The following PDE10A variants were observed in gnomAD, a reference collection of about 807,000 sequenced individuals.
PDE10A encodes phosphodiesterase 10A.
PDE10A carries 39 observed loss-of-function variants against 97.7 expected under a neutral mutation model. The ratio of observed to expected loss-of-function variants is 0.40; its 90% CI spans 0.31 to 0.52. The LOEUF (loss-of-function observed/expected upper bound fraction) is 0.52. PDE10A is among the 20% of genes least tolerant of loss of function. The probability of loss-of-function intolerance (pLI) is 0.56; values close to 1 mark genes in which losing one functional copy is unlikely to be tolerated. For missense variants in PDE10A, 731 were observed against 1,047.8 expected (o/e 0.70, Z 4.17); for synonymous variants, 371 against 376.8 (o/e 0.98, Z 0.18).
intron 1 of PDE10A, among the ~76,000 whole-genome samples, chr6:165,833,836 G>A (rs1292763230): frequency 2.0e-5 from 3 of 152,340 alleles, no homozygotes; most frequent in African/African-American, 7.2e-5. Context: ...GATGAAGGTG[G>A]TCCCAAAGCA....
intron 1 of PDE10A, among the ~76,000 whole-genome samples, chr6:165,843,956 T>G (rs1780332582): frequency 6.6e-6 from 1 of 152,168 alleles, no homozygotes; most frequent in Non-Finnish European, 1.5e-5. Context: ...GAGGCAGCTC[T>G]GACCCCACCT....
rs193170979 is a variant in PDE10A at position 165,596,842 on chromosome 6, C to T, written c.866-53274G>A. Among the ~76,000 whole-genome samples, 40 of 152,242 alleles carry T rather than the reference C, an allele frequency of 2.6e-4. 1 individual carries two copies. Among genetic ancestry groups the T allele is most frequent in the African/African-American group, 7.7e-4 (32 of 41,542 alleles). ...TGGGGTCCTGAATATCCTAGGAGAACGTTGCTCTCCTCCTCTACTGACATG... is the reference window on the plus strand; with the variant it reads ...TGGGGTCCTGAATATCCTAGGAGAATGTTGCTCTCCTCCTCTACTGACATG... On this transcript the variant is annotated intron_variant, in intron 1 of 21. Transcript: ENST00000539869.
chr6:165,567,567 C>T (rs1270394661), intron 1 of PDE10A, among the ~76,000 whole-genome samples: 6 of 152,190 alleles, frequency 3.9e-5, no homozygotes, highest in Non-Finnish European at 8.8e-5. Flanking sequence ...TAAACACCTG[C>T]TTATTACTTC....
intron 12 of PDE10A, 81 bp downstream of exon 12, chr6:165,416,108 T>G (rs1442145123): frequency 2.0e-5 from 18 of 898,794 alleles, no homozygotes; most frequent in Non-Finnish European, 3.2e-5. Flanking sequence ...CGTGGAGAAC[T>G]CAGGCTCCAC....
intron 1 of PDE10A, among the ~76,000 whole-genome samples, chr6:165,575,312 A>G (rs1785248047): frequency 6.6e-6 from 1 of 152,208 alleles, no homozygotes; most frequent in Admixed American, 6.5e-5. Flanking sequence ...CTGATCCCAC[A>G]GCAGCCAGAC....
chr6:165,348,145 A>G (rs1049965337), intron 18 of PDE10A, among the ~76,000 whole-genome samples: 1 of 152,196 alleles, frequency 6.6e-6, no homozygotes, highest in African/African-American at 2.4e-5. Flanking sequence ...AAACATTTTC[A>G]TTTTAGAAAG....
intron 1 of PDE10A, among the ~76,000 whole-genome samples, chr6:165,618,938 T>C (rs996629118): frequency 1.1e-4 from 17 of 151,500 alleles, no homozygotes; most frequent in South Asian, 6.2e-4. Flanking sequence ...TGTAGTCTAG[T>C]GTAGTCTAGT....
chr6:165,337,758 A>C (rs566185452), intron 20 of PDE10A, among the ~76,000 whole-genome samples: 1 of 152,350 alleles, frequency 6.6e-6, no homozygotes, highest in African/African-American at 2.4e-5. Context: ...ACTAGAGCAA[A>C]ACCCATATGC....
intron 1 of PDE10A, chr6:165,775,192 A>C (rs1032499923): frequency 6.6e-6 from 1 of 152,210 alleles, no homozygotes; most frequent in African/African-American, 2.4e-5. Context: ...TCAAGAAAAT[A>C]GTCAATGGAG....
chr6:165,642,824 C>T (rs758171535), intron 1 of PDE10A, among the ~76,000 whole-genome samples: 1 of 152,220 alleles, frequency 6.6e-6, no homozygotes, highest in Admixed American at 6.5e-5. Flanking sequence ...TGCCAAAGAA[C>T]GTGCGTCCCA....
chr6:165,387,122 T>G (rs1303365778), intron 17 of PDE10A, among the ~76,000 whole-genome samples: 1 of 152,172 alleles, frequency 6.6e-6, no homozygotes, highest in African/African-American at 2.4e-5. Context: ...ATGATAGGAA[T>G]GATGACTACA....
At chr6:165,398,870 C>T (rs220788) in intron 13 of PDE10A, among the ~76,000 whole-genome samples, 113,919 of 152,122 alleles carry the variant, frequency 0.75, 43,905 homozygotes, top group African/African-American at 0.91. Context: ...AACATCATGA[C>T]TAGAAGTCAA....
At chr6:165,845,119 G>A (rs1274021597) in intron 1 of PDE10A, among the ~76,000 whole-genome samples, 1 of 152,190 alleles carries the variant, frequency 6.6e-6, no homozygotes, top group African/African-American at 2.4e-5. Context: ...TGGGCTATGA[G>A]AGCTGATGGT....
intron 2 of PDE10A, among the ~76,000 whole-genome samples, chr6:165,524,138 G>A (rs1030710831): frequency 1.1e-4 from 17 of 152,122 alleles, no homozygotes; most frequent in African/African-American, 2.7e-4. Context: ...CTCCTCAGCC[G>A]GCAGAGGGCC....
chr6:165,545,118 A>G (rs1783673324), intron 1 of PDE10A: 1 of 490,122 alleles, frequency 2.0e-6, no homozygotes, highest in African/African-American at 2.0e-5. Flanking sequence ...GGTCCTCCAT[A>G]TTCAATATTG....
chr6:165,947,507 T>G (rs926107967), intron 1 of PDE10A, among the ~76,000 whole-genome samples: 1 of 152,210 alleles, frequency 6.6e-6, no homozygotes, highest in African/African-American at 2.4e-5. Context: ...AATAGAGCTT[T>G]CTCTCACCAA....
chr6:165,955,397 A>T (rs765770962), intron 1 of PDE10A, among the ~76,000 whole-genome samples: 29 of 152,096 alleles, frequency 1.9e-4, no homozygotes, highest in Non-Finnish European at 4.0e-4. Flanking sequence ...CAATTTCCAG[A>T]TGAGGCTTCC....
At chr6:165,678,834 A>G (rs1022904432) in intron 1 of PDE10A, among the ~76,000 whole-genome samples, 1 of 152,230 alleles carries the variant, frequency 6.6e-6, no homozygotes, top group African/African-American at 2.4e-5. Flanking sequence ...CAGAAATTCT[A>G]TCCTAGCAAC....
intron 1 of PDE10A, among the ~76,000 whole-genome samples, chr6:165,735,586 T>A (rs1195805205): frequency 6.6e-6 from 1 of 152,124 alleles, no homozygotes; most frequent in Non-Finnish European, 1.5e-5. Flanking sequence ...GTCTGAGGGC[T>A]GGGAGCTGCT....
Sources: gnomAD v4.1 joint callset for allele counts (sites outside exome capture counted in the v4.1 genomes callset) on GRCh38, gnomAD v4.1.1 for gene constraint, MANE v1.5 for transcripts, NCBI Gene and HGNC (gene_info 2026-07-23, HGNC 2026-07-21) for gene names.